The following CECR2 variants were observed in gnomAD, a reference collection of about 807,000 sequenced individuals.
The protein encoded by CECR2 is chromatin remodeling regulator CECR2.
In CECR2, 30 loss-of-function variants were observed where a neutral mutation model predicts 154.5. The ratio of observed to expected loss-of-function variants is 0.19; its 90% confidence interval spans 0.15 to 0.26. The LOEUF (loss-of-function observed/expected upper bound fraction) is 0.26, where lower values mean the gene tolerates loss of function less well. CECR2 is among the 10% of genes least tolerant of loss of function. The pLI is 1.00. For synonymous variants in CECR2, 725 were observed against 683.7 expected (o/e 1.06, Z -0.94); for missense variants, 1,743 against 1,829.3 (o/e 0.95, Z 0.86).
At chr22:17,522,279 T>G (rs1418519980) in intron 8 of CECR2, among the ~76,000 whole-genome samples, 1 of 152,248 alleles carries the variant, frequency 6.6e-6, no homozygotes, top group African/African-American at 2.4e-5. Flanking sequence ...TGTTTTACTT[T>G]GCTTTGTTAA....
intron 6 of CECR2, 47 bp downstream of exon 6, chr22:17,503,178 C>A (rs781146812): frequency 6.6e-7 from 1 of 1,522,466 alleles, no homozygotes; most frequent in Non-Finnish European, 9.0e-7. Flanking sequence ...AAATATGATT[C>A]ATTTATGCTA....
At chr22:17,521,834 T>C (rs1020349875) in intron 8 of CECR2, among the ~76,000 whole-genome samples, 3 of 152,236 alleles carry the variant, frequency 2.0e-5, no homozygotes, top group African/African-American at 7.2e-5. Flanking sequence ...CCCATGCCTA[T>C]GTCCTGAATG....
intron 1 of CECR2, among the ~76,000 whole-genome samples, chr22:17,475,618 A>C (rs75453145): frequency 6.6e-6 from 1 of 152,078 alleles, no homozygotes; most frequent in East Asian, 1.9e-4. Flanking sequence ...AAATTGAGAG[A>C]ATGGAAATAC....
At chr22:17,525,285 CCAAAAAAAAAAAAAAA>C (rs1242046132) in intron 9 of CECR2, among the ~76,000 whole-genome samples, 5 of 32,322 alleles carry the variant, frequency 1.5e-4, no homozygotes, top group South Asian at 2.6e-3. Context: ...AACTCCATCT[CCAAAAAAAAAAAAAAA>C]AAAAAAAAAA....
At position 17,550,776 on chromosome 22, in the gene CECR2, A is replaced by G. The variant is rs537137096; in HGVS notation, c.4277+1212A>G. Among the ~76,000 whole-genome samples, 342 of 152,272 alleles carry G rather than the reference A, an allele frequency of 2.2e-3. 2 individuals are homozygous for G. The highest frequency in any genetic ancestry group is 7.8e-3 in the African/African-American group (326 of 41,550). ...GCTAACACGGTGAAACCCCGTCTCT[A>G]CTAAAAATACAAAAAATTAGCCGGG... On this transcript the variant is annotated intron_variant, in intron 17 of 18. Coordinates refer to ENST00000262608, the MANE Select transcript of CECR2 (RefSeq NM_001290047.2).
At chr22:17,488,704 G>T (rs1365571555) in intron 2 of CECR2, among the ~76,000 whole-genome samples, 1 of 152,162 alleles carries the variant, frequency 6.6e-6, no homozygotes, top group East Asian at 1.9e-4. Context: ...TATTGAATCT[G>T]TTCTTGGGAT....
rs529884814 is a variant in CECR2 at position 17,542,082 on chromosome 22, T to G, written c.2014-75T>G. On this transcript the variant is annotated intron_variant, in intron 15 of 18. Coordinates refer to ENST00000262608, the MANE Select transcript of CECR2 (RefSeq NM_001290047.2). ...TTGCGTCCTTTCCCAAAGAGTCTGT[T>G]CCCATAGAGAAGCATGGCACAAAGT... is the stretch of plus-strand genomic sequence containing the variant. 1.7e-4 allele frequency: 264 copies of G among 1,573,078 alleles called. 3 individuals are homozygous for G. In the South Asian group the frequency reaches 2.9e-3, roughly 17 times the overall value.
rs116136975 is a variant in CECR2 at position 17,461,486 on chromosome 22, G to T, written c.127-16102G>T. ...CATCTGTACTTCCTGTTGGGGTTAGGACTCATTTAGAATTTACCATCATTT... is the reference window on the plus strand; with the variant it reads ...CATCTGTACTTCCTGTTGGGGTTAGTACTCATTTAGAATTTACCATCATTT... On this transcript the variant is annotated intron_variant, in intron 1 of 18. Coordinates refer to ENST00000262608, the MANE Select transcript of CECR2 (RefSeq NM_001290047.2). Among the ~76,000 whole-genome samples, 1,263 of 152,244 alleles carry T rather than the reference G, an allele frequency of 8.3e-3. 15 individuals are homozygous for T. Among genetic ancestry groups the T allele is most frequent in the African/African-American group, 0.029 (1,197 of 41,544 alleles).
intron 1 of CECR2, among the ~76,000 whole-genome samples, chr22:17,385,718 C>T (rs1203949510): frequency 3.9e-5 from 6 of 152,194 alleles, no homozygotes; most frequent in African/African-American, 1.4e-4. Flanking sequence ...CCCTGATAGA[C>T]TTGCTACTCG....
At chr22:17,423,916 G>C (rs916490483) in intron 1 of CECR2, among the ~76,000 whole-genome samples, 1 of 152,092 alleles carries the variant, frequency 6.6e-6, no homozygotes, top group Non-Finnish European at 1.5e-5. Flanking sequence ...ATGCTGAACC[G>C]GAATCCCATT....
rs530862013 is a variant in CECR2, at chr22:17,378,537, C to T, written c.126+8628C>T. On this transcript the variant is annotated intron_variant, in intron 1 of 18. Coordinates refer to ENST00000262608, the MANE Select transcript of CECR2 (RefSeq NM_001290047.2). ...GGTCGCAATCTCCTGACCCCCTCCT[C>T]GGCCTCCCAAAGTGTTGGGATTACA... 3.3e-4 allele frequency among the ~76,000 whole-genome samples: 50 copies of T among 151,814 alleles called. No individual in the cohort carries two copies. In the East Asian group the frequency reaches 4.1e-3, roughly 12 times the overall value.
intron 1 of CECR2, among the ~76,000 whole-genome samples, chr22:17,444,235 T>A (rs1420813155): frequency 6.6e-6 from 1 of 152,202 alleles, no homozygotes; most frequent in Non-Finnish European, 1.5e-5. Context: ...GTTTGCTGGC[T>A]AATACAGTTC....
chr22:17,453,695 T>C (rs1177950083), intron 1 of CECR2, among the ~76,000 whole-genome samples: 2 of 152,234 alleles, frequency 1.3e-5, no homozygotes, highest in Non-Finnish European at 2.9e-5. Context: ...ATTTTGGTTT[T>C]AGAAACTTTT....
intron 1 of CECR2, among the ~76,000 whole-genome samples, chr22:17,427,598 A>G (rs2054351385): frequency 6.6e-6 from 1 of 152,096 alleles, no homozygotes; most frequent in Non-Finnish European, 1.5e-5. Flanking sequence ...TACAGCTTTT[A>G]AAGGTGGTGT....
chr22:17,429,886 C>G (rs2054395304), intron 1 of CECR2, among the ~76,000 whole-genome samples: 1 of 152,142 alleles, frequency 6.6e-6, no homozygotes, highest in African/African-American at 2.4e-5. Context: ...GAAGACTAAG[C>G]CACCATTAGT....
chr22:17,542,232 A>G lies in CECR2; in HGVS notation c.2089A>G (p.Thr697Ala), dbSNP rs2056535938. The G allele has an allele frequency of 6.2e-7, 1 of 1,611,712 alleles. No individual in the cohort carries two copies. The highest frequency in any genetic ancestry group is 1.1e-5 in the South Asian group (1 of 90,630). The change falls in exon 16 of 19, where the codon ACA (threonine) becomes GCA (alanine). Residue 697 changes from threonine to alanine, a missense_variant. Physicochemically the swap from Thr to Ala is moderately conservative, Grantham distance 58 (BLOSUM62 0). Transcript: ENST00000262608. ...GGAGAAGCAAATGTGCGGGGGGCTG[A>G]CACACCTTTCTAACATGGGCCCACA... Reference protein sequence around the residue: ...PEEKQMCGGLTHLSNMGPHPG... With the variant: ...PEEKQMCGGLAHLSNMGPHPG...
Position 17,497,502 on chromosome 22 carries a change from C to A in CECR2, c.321C>A (p.Asp107Glu), listed in dbSNP as rs1161976113. 6.2e-7 allele frequency: 1 copy of A among 1,613,966 alleles called. No individual in the cohort carries two copies. The highest frequency in any genetic ancestry group is 1.1e-5 in the South Asian group (1 of 91,080). ...PNPLREASFQ[D>E]LPLRTRVEIL... ...CTCTGAGGGAAGCCAGTTTCCAGGACCTGCCTCTTCGCACACGGGTGGAGA... is the reference window on the plus strand; with the variant it reads ...CTCTGAGGGAAGCCAGTTTCCAGGAACTGCCTCTTCGCACACGGGTGGAGA... Residue 107 changes from aspartate to glutamate, a missense_variant, in exon 3 of 19, where the codon GAC (aspartate) becomes GAA (glutamate). Asp to Glu is a conservative substitution (Grantham distance 45). This residue lies in a region of CECR2 where 98 missense variants were observed against 169.3 expected (regional missense o/e 0.58). Coordinates refer to ENST00000262608, the MANE Select transcript of CECR2 (RefSeq NM_001290047.2).
chr22:17,380,546 C>T (rs1049419962), intron 1 of CECR2, among the ~76,000 whole-genome samples: 7 of 152,078 alleles, frequency 4.6e-5, no homozygotes, highest in African/African-American at 7.2e-5. Context: ...GCTGGAGTGA[C>T]GTGTGACTTG....
At chr22:17,427,890 A>G (rs971472936) in intron 1 of CECR2, among the ~76,000 whole-genome samples, 1 of 152,190 alleles carries the variant, frequency 6.6e-6, no homozygotes, top group Non-Finnish European at 1.5e-5. Flanking sequence ...TAGATCCTTG[A>G]GAAATCGCCA....
Sources: gnomAD v4.1 joint callset for allele counts (sites outside exome capture counted in the v4.1 genomes callset) on GRCh38, gnomAD v4.1.1 for gene constraint, gnomAD v4.1.1 regional missense constraint, MANE v1.5 for transcripts, NCBI Gene and HGNC (gene_info 2026-07-23, HGNC 2026-07-21) for gene names.